ZNF880: variants seen among roughly 807,000 people sequenced by gnomAD.
ZNF880 encodes zinc finger protein LOC400713.
A neutral mutation model predicts 11.8 loss-of-function variants in ZNF880; 12 were observed. That is an observed-to-expected ratio of 1.02 (90% CI 0.65 to 1.65). ZNF880 has a LOEUF of 1.65. ZNF880 is among the 40% of genes most tolerant of loss of function. The pLI, the probability that ZNF880 is intolerant of heterozygous loss-of-function variation, is 0.00. For synonymous variants in ZNF880, 210 were observed against 232.4 expected, an observed-to-expected ratio of 0.90 and a Z score of 0.88; for missense variants, 601 against 673.9, an observed-to-expected ratio of 0.89 and a Z score of 1.20.
At chr19:52,369,383 A>G (rs1219794356), upstream of ZNF880, among the ~76,000 whole-genome samples, 1 of 147,100 alleles carries the variant, frequency 6.8e-6, no homozygotes, top group Non-Finnish European at 1.5e-5. Context: ...AAAAAAAAAA[A>G]AGGAAATTGC....
the ZNF880 span, among the ~76,000 whole-genome samples, chr19:52,393,889 T>G: frequency 0.16 from 21,089 of 135,696 alleles, 1,617 homozygotes; most frequent in African/African-American, 0.18. Flanking sequence ...CAGGCTGGAG[T>G]GCAGTGGCGC....
the ZNF880 span, chr19:52,396,842 G>C: frequency 7.8e-6 from 1 of 128,744 alleles, no homozygotes; most frequent in African/African-American, 2.6e-5. Context: ...GCTGAGACAG[G>C]GGGTCACCTG....
chr19:52,384,566 G>T lies in ZNF880; in HGVS notation c.986G>T (p.Cys329Phe), dbSNP rs755821154. Residue 329 changes from cysteine to phenylalanine, a missense_variant, in exon 4 of 4, where the codon TGT (cysteine) becomes TTT (phenylalanine). By Grantham distance (205) the Cys-to-Phe change is radical. Coordinates refer to ENST00000422689, the MANE Select transcript of ZNF880 (RefSeq NM_001145434.2). The stretch of plus-strand genomic sequence containing the variant: ...GAGAAACCTTACAAATGTAAGGAAT[G>T]TGGCAAAGCATTTTCAGGGGGTTCA... ...SGEKPYKCKE[C>F]GKAFSGGSGL... is the part of the protein sequence containing the mutation. 1 of 1,613,884 alleles carries T rather than the reference G, an allele frequency of 6.2e-7. No individual in the cohort carries two copies. Among genetic ancestry groups the T allele is most frequent in the South Asian group, 1.1e-5 (1 of 91,042 alleles).
At chr19:52,376,508 C>A (rs75927815) in intron 3 of ZNF880, among the ~76,000 whole-genome samples, 26 of 22,346 alleles carry the variant, frequency 1.2e-3, no homozygotes, top group Non-Finnish European at 2.3e-3. Context: ...CCCCCCCCCC[C>A]CTTTTTTTTT....
chr19:52,394,172 A>G, the ZNF880 span, among the ~76,000 whole-genome samples: 2 of 151,280 alleles, frequency 1.3e-5, no homozygotes, highest in Non-Finnish European at 2.9e-5. Context: ...GCAATCATAC[A>G]TAGTATTTTA....
chr19:52,374,815 A>AG, intron 3 of ZNF880: 1 of 436,582 alleles, frequency 2.3e-6, no homozygotes, highest in Non-Finnish European at 4.2e-6. Flanking sequence ...TAGCCCGTGT[A>AG]CCCTCAGTCT....
chr19:52,371,687 G>C (rs1350670412), intron 1 of ZNF880, among the ~76,000 whole-genome samples: 1 of 151,944 alleles, frequency 6.6e-6, no homozygotes, highest in Non-Finnish European at 1.5e-5. Flanking sequence ...AATTCTTAAA[G>C]TTTGATTCTA....
At position 52,374,418 on chromosome 19, in the gene ZNF880, G is replaced by A; in HGVS notation, c.259G>A (p.Val87Met). 1 of 1,611,710 alleles carries A rather than the reference G, an allele frequency of 6.2e-7. No homozygotes were observed. The highest frequency in any genetic ancestry group is 8.5e-7 in the Non-Finnish European group (1 of 1,178,886). The change falls in exon 3 of 4, where the codon GTG (valine) becomes ATG (methionine). Residue 87 changes from valine (V) to methionine (M), a missense_variant. By Grantham distance (21) the Val-to-Met change is conservative (BLOSUM62 1). Transcript: ENST00000422689. ...AGGTGGCAGGGAGTGCATCAAAGGTGTGAACGCAGGTAAGAGCTTGGATGG... is the reference window on the plus strand; with the variant it reads ...AGGTGGCAGGGAGTGCATCAAAGGTATGAACGCAGGTAAGAGCTTGGATGG... ...NPGGRECIKG[V>M]NAESSSKLGS...
chr19:52,392,076 G>A, the ZNF880 span, among the ~76,000 whole-genome samples: 1 of 152,136 alleles, frequency 6.6e-6, no homozygotes, highest in Non-Finnish European at 1.5e-5. Flanking sequence ...GGGCTCAGTT[G>A]CACAAAACTG....
At chr19:52,368,220 AT>A (rs576179691), upstream of ZNF880, among the ~76,000 whole-genome samples, 1,805 of 57,696 alleles carry the variant, frequency 0.031, 55 homozygotes, top group South Asian at 0.096. Flanking sequence ...AAAAAAAATA[AT>A]AATAATACTG....
In ZNF880 at chr19:52,384,919, C is replaced by G. The variant is rs1450599925; in HGVS notation, c.1339C>G (p.His447Asp). 1 of 1,599,476 alleles carries G rather than the reference C, an allele frequency of 6.3e-7. No homozygotes were observed. The highest frequency in any genetic ancestry group is 1.3e-5 in the African/African-American group (1 of 74,652). Residue 447 changes from histidine (H) to aspartate (D), a missense_variant, in exon 4 of 4, where the codon CAT becomes GAT. Transcript: ENST00000422689. ...KCKECAKVFR[H>D]RLSLSNHQRF... The stretch of plus-strand genomic sequence containing the variant: ...TAAAGAATGTGCCAAGGTCTTCAGG[C>G]ATAGATTATCCCTAAGCAATCATCA...
the ZNF880 span, among the ~76,000 whole-genome samples, chr19:52,392,155 T>C: frequency 6.6e-6 from 1 of 152,182 alleles, no homozygotes; most frequent in Non-Finnish European, 1.5e-5. Context: ...GGTGTACCAT[T>C]TGTTATAAAG....
chr19:52,393,986 G>A, the ZNF880 span, among the ~76,000 whole-genome samples: 33 of 151,420 alleles, frequency 2.2e-4, no homozygotes, highest in East Asian at 1.6e-3. Context: ...ACAGGCACCC[G>A]CCACCACACC....
At chr19:52,369,798 C>T (rs1986300063), upstream of ZNF880, 2 of 730,912 alleles carry the variant, frequency 2.7e-6, no homozygotes, top group Non-Finnish European at 4.7e-6. Flanking sequence ...TAGCTGAGTT[C>T]TTCCAGTCTC....
At chr19:52,382,001 T>G (rs563004335) in intron 3 of ZNF880, among the ~76,000 whole-genome samples, 1 of 152,226 alleles carries the variant, frequency 6.6e-6, no homozygotes, top group African/African-American at 2.4e-5. Context: ...TTTTAAATGA[T>G]TTTGTCTTTT....
At chr19:52,386,660 A>T (rs1986893800), downstream of ZNF880, among the ~76,000 whole-genome samples, 1 of 141,690 alleles carries the variant, frequency 7.1e-6, no homozygotes, top group Non-Finnish European at 1.5e-5. Context: ...AAATTAGCTG[A>T]GCGTGGTGGT....
At chr19:52,394,538 G>T in the ZNF880 span, among the ~76,000 whole-genome samples, 2 of 152,146 alleles carry the variant, frequency 1.3e-5, no homozygotes, top group African/African-American at 4.8e-5. Flanking sequence ...CCTGGCTGAT[G>T]AAATATACGA....
At chr19:52,382,676 CAA>C (rs1213657880) in intron 3 of ZNF880, among the ~76,000 whole-genome samples, 1 of 152,140 alleles carries the variant, frequency 6.6e-6, no homozygotes, top group Non-Finnish European at 1.5e-5. Context: ...CTTTATGTGA[CAA>C]GTCTTTTTTG....
At chr19:52,375,444 G>A (rs1458810107) in intron 3 of ZNF880, among the ~76,000 whole-genome samples, 2 of 151,732 alleles carry the variant, frequency 1.3e-5, no homozygotes, top group African/African-American at 4.8e-5. Flanking sequence ...CACCCACCTT[G>A]GCCTCCCAAA....
Sources: allele counts gnomAD v4.1 joint callset (sites outside exome capture counted in the v4.1 genomes callset), GRCh38; gene constraint gnomAD v4.1.1; transcripts MANE v1.5; gene names NCBI Gene and HGNC (gene_info 2026-07-23, HGNC 2026-07-21).